Variants in SPINK13 observed in about 807,000 individuals in gnomAD.
SPINK13 encodes serine peptidase inhibitor Kazal type 13.
In SPINK13, 11 loss-of-function variants were observed where a neutral mutation model predicts 11.0. The observed-to-expected ratio is 1.00, with a 90% confidence interval of 0.63 to 1.65. SPINK13 has a LOEUF of 1.65. Ranked by LOEUF, SPINK13 falls within the 40% of genes most tolerant of loss-of-function variation. The pLI is 0.00. For synonymous variants in SPINK13, 31 were observed against 35.6 expected (o/e 0.87, Z 0.46); for missense variants, 113 against 117.7 (o/e 0.96, Z 0.19).
chr5:148,275,549 G>A (rs1211513358), intron 3 of SPINK13, among the ~76,000 whole-genome samples: 2 of 152,024 alleles, frequency 1.3e-5, no homozygotes, highest in South Asian at 2.1e-4. Context: ...AGATCCTTGC[G>A]GACTCACCAC....
chr5:148,282,326 T>C (rs1756528465), intron 4 of SPINK13, 95 bp downstream of exon 4: 2 of 1,442,816 alleles, frequency 1.4e-6, no homozygotes, highest in Admixed American at 2.2e-5. Context: ...TACTGATGCA[T>C]ACTTTTTTTA....
intron 3 of SPINK13, among the ~76,000 whole-genome samples, chr5:148,280,157 A>G (rs1756491565): frequency 6.6e-6 from 1 of 151,948 alleles, no homozygotes; most frequent in Non-Finnish European, 1.5e-5. Flanking sequence ...TCTTCTCTCA[A>G]CTGGTTATTC....
At chr5:148,276,294 T>C (rs1756427626) in intron 3 of SPINK13, among the ~76,000 whole-genome samples, 1 of 152,228 alleles carries the variant, frequency 6.6e-6, no homozygotes, top group Admixed American at 6.5e-5. Context: ...AGCTCTTTAG[T>C]TTAATCAGAT....
At chr5:148,271,475 T>C (rs1008578689) in intron 2 of SPINK13, among the ~76,000 whole-genome samples, 1 of 152,212 alleles carries the variant, frequency 6.6e-6, no homozygotes, top group Non-Finnish European at 1.5e-5. Flanking sequence ...AATTTATTTT[T>C]TCCCAAAATT....
At chr5:148,284,167 CTTCT>C (rs767799923) in intron 4 of SPINK13, among the ~76,000 whole-genome samples, 6,626 of 146,916 alleles carry the variant, frequency 0.045, 413 homozygotes, top group African/African-American at 0.13. Context: ...TCCTTCCTTC[CTTCT>C]TTCCTCCCTC....
intron 3 of SPINK13, among the ~76,000 whole-genome samples, chr5:148,281,679 A>G (rs1158028870): frequency 1.3e-5 from 2 of 152,080 alleles, no homozygotes; most frequent in Non-Finnish European, 2.9e-5. Context: ...GAAATCACCC[A>G]CCTTCTGCAT....
chr5:148,275,437 T>C (rs1756410948), intron 3 of SPINK13, among the ~76,000 whole-genome samples: 1 of 152,212 alleles, frequency 6.6e-6, no homozygotes. Context: ...AGTGCTACAA[T>C]AAACATATGT....
intron 3 of SPINK13, among the ~76,000 whole-genome samples, chr5:148,274,683 T>C (rs1756398865): frequency 6.6e-6 from 1 of 152,148 alleles, no homozygotes; most frequent in Admixed American, 6.5e-5. Flanking sequence ...AGTTGGAAAC[T>C]GCAGTGAGCC....
intron 3 of SPINK13, 118 bp downstream of exon 3, chr5:148,274,502 C>G: frequency 3.9e-6 from 3 of 763,160 alleles, no homozygotes; most frequent in Non-Finnish European, 6.3e-6. Flanking sequence ...AATTCCAGAA[C>G]TTAGGGAAGC....
At chr5:148,274,304 G>T in intron 2 of SPINK13, 43 bp from the exon 3 acceptor site, 1 of 1,468,626 alleles carries the variant, frequency 6.8e-7, no homozygotes, top group Non-Finnish European at 9.5e-7. Context: ...ATCCCATGGA[G>T]AACTATTTCC....
chr5:148,285,149 T>C (rs1254377898), intron 4 of SPINK13, among the ~76,000 whole-genome samples: 3 of 152,184 alleles, frequency 2.0e-5, no homozygotes, highest in South Asian at 4.1e-4. Context: ...TAGCTCCCTG[T>C]TCAAATGGAG....
chr5:148,280,773 TGAG>T (rs1242308767), intron 3 of SPINK13, among the ~76,000 whole-genome samples: 3 of 152,182 alleles, frequency 2.0e-5, no homozygotes, highest in Non-Finnish European at 4.4e-5. Context: ...GGGACCCACT[TGAG>T]GAGGCAGTCT....
intron 3 of SPINK13, among the ~76,000 whole-genome samples, chr5:148,278,755 G>A (rs1436584187): frequency 6.6e-6 from 1 of 152,154 alleles, no homozygotes; most frequent in Non-Finnish European, 1.5e-5. Flanking sequence ...TGTTGATTGG[G>A]GTGGAAAGTT....
In SPINK13 at chr5:148,282,156, C is replaced by T. The variant is rs1214469647; in HGVS notation, c.161C>T (p.Pro54Leu). The part of the protein sequence containing the change: ...PLDPDYNADC[P>L]NVTAPVCASN... ...GACCCTGATTACAATGCAGACTGCCCCAATGTGACAGCACCTGTTTGTGCC... is the reference window on the plus strand; with the variant it reads ...GACCCTGATTACAATGCAGACTGCCTCAATGTGACAGCACCTGTTTGTGCC... The change falls in exon 4 of 5, where the codon CCC becomes CTC. Residue 54 changes from proline (P) to leucine (L), a missense_variant. Transcript: ENST00000398450. The T allele has an allele frequency of 6.8e-6, 11 of 1,614,154 alleles. No individual in the cohort carries two copies. Among genetic ancestry groups the T allele is most frequent in the Non-Finnish European group, 8.5e-6 (10 of 1,180,032 alleles).
chr5:148,276,461 A>G (rs1348951434), intron 3 of SPINK13, among the ~76,000 whole-genome samples: 1 of 152,066 alleles, frequency 6.6e-6, no homozygotes, highest in Non-Finnish European at 1.5e-5. Flanking sequence ...ATCCATCTTG[A>G]GTTAATTTTT....
intron 4 of SPINK13, among the ~76,000 whole-genome samples, chr5:148,282,542 A>T (rs1056921609): frequency 3.7e-5 from 5 of 134,770 alleles, no homozygotes; most frequent in African/African-American, 8.0e-5. Flanking sequence ...CTAGTTATTT[A>T]AAAAAAACAC....
chr5:148,283,626 A>G (rs1561753607), intron 4 of SPINK13, among the ~76,000 whole-genome samples: 1 of 152,360 alleles, frequency 6.6e-6, no homozygotes, highest in South Asian at 2.1e-4. Context: ...CCAGGTCTCT[A>G]CTGTTGGCTC....
intron 3 of SPINK13, among the ~76,000 whole-genome samples, chr5:148,276,141 GGTT>G (rs1347591004): frequency 7.3e-4 from 111 of 152,106 alleles, no homozygotes; most frequent in African/African-American, 2.5e-3. Context: ...TTTTTGATGA[GGTT>G]GTTTTTTTCT....
chr5:148,275,863 A>G (rs1165796032), intron 3 of SPINK13, among the ~76,000 whole-genome samples: 1 of 151,906 alleles, frequency 6.6e-6, no homozygotes, highest in Non-Finnish European at 1.5e-5. Flanking sequence ...GGGTTTCACC[A>G]TGTTAGCCAG....
Sources: gnomAD v4.1 joint callset for allele counts (sites outside exome capture counted in the v4.1 genomes callset) on GRCh38, gnomAD v4.1.1 for gene constraint, MANE v1.5 for transcripts, NCBI Gene and HGNC (gene_info 2026-07-23, HGNC 2026-07-21) for gene names.